KAZN: variants seen among roughly 807,000 people sequenced by gnomAD.
KAZN encodes kazrin.
In KAZN, 40 loss-of-function variants were observed where a neutral mutation model predicts 87.4. The ratio of observed to expected loss-of-function variants is 0.46; its 90% CI spans 0.36 to 0.60. The LOEUF is 0.60. Among genes scored for constraint, KAZN ranks in the 20% least tolerant of loss-of-function variants. The probability of loss-of-function intolerance (pLI) is 0.00; values close to 1 mark genes in which losing one functional copy is unlikely to be tolerated. For synonymous variants in KAZN, 466 were observed against 458.3 expected, an observed-to-expected ratio of 1.02 and a Z score of -0.22; for missense variants, 898 against 1,073.9, an observed-to-expected ratio of 0.84 and a Z score of 2.29.
At chr1:14,126,866 G>A (rs1216680786) in intron 1 of KAZN, among the ~76,000 whole-genome samples, 1 of 152,182 alleles carries the variant, frequency 6.6e-6, no homozygotes, top group African/African-American at 2.4e-5. Context: ...AGCACTTTGG[G>A]AGGCCAAGGT....
At chr1:14,839,665 T>C (rs1326479137) in intron 1 of KAZN, among the ~76,000 whole-genome samples, 1 of 152,140 alleles carries the variant, frequency 6.6e-6, no homozygotes, top group Non-Finnish European at 1.5e-5. Context: ...TGTGTGTTTG[T>C]TATTGTTGTT....
chr1:13,967,440 G>A (rs1641986581), intron 1 of KAZN, among the ~76,000 whole-genome samples: 1 of 152,158 alleles, frequency 6.6e-6, no homozygotes, highest in Non-Finnish European at 1.5e-5. Flanking sequence ...GCGACCCTTT[G>A]GGAATCAGTG....
At chr1:14,963,728 A>T (rs1664146150) in intron 2 of KAZN, among the ~76,000 whole-genome samples, 1 of 151,994 alleles carries the variant, frequency 6.6e-6, no homozygotes, top group Admixed American at 6.6e-5. Context: ...GCACCTGTCA[A>T]CTCATCATCT....
chr1:13,974,918 T>C (rs1052501699), intron 1 of KAZN, among the ~76,000 whole-genome samples: 1 of 151,904 alleles, frequency 6.6e-6, no homozygotes, highest in African/African-American at 2.4e-5. Flanking sequence ...TAACTCTTTT[T>C]TATATCCGCC....
chr1:13,932,717 C>T (rs1333044000), intron 1 of KAZN, among the ~76,000 whole-genome samples: 1 of 152,194 alleles, frequency 6.6e-6, no homozygotes, highest in Non-Finnish European at 1.5e-5. Context: ...CTCAGGCAGT[C>T]TGGCTTGGGC....
At chr1:13,976,223 G>A (rs576443670) in intron 1 of KAZN, among the ~76,000 whole-genome samples, 1 of 152,162 alleles carries the variant, frequency 6.6e-6, no homozygotes, top group African/African-American at 2.4e-5. Flanking sequence ...ATTTTCTGAT[G>A]GACTTTCCAA....
At chr1:14,217,365 G>C (rs1349448774) in intron 2 of KAZN, among the ~76,000 whole-genome samples, 1 of 151,634 alleles carries the variant, frequency 6.6e-6, no homozygotes, top group Non-Finnish European at 1.5e-5. Context: ...TACTAATACA[G>C]GCCCATCCCC....
intron 1 of KAZN, among the ~76,000 whole-genome samples, chr1:14,905,916 C>T (rs1656494273): frequency 6.7e-6 from 1 of 149,496 alleles, no homozygotes; most frequent in Non-Finnish European, 1.5e-5. Flanking sequence ...TGCCTGTAAT[C>T]ACAGCACTTT....
At chr1:14,849,820 T>C (rs1481404276) in intron 1 of KAZN, among the ~76,000 whole-genome samples, 12 of 152,148 alleles carry the variant, frequency 7.9e-5, no homozygotes, top group Admixed American at 7.9e-4. Flanking sequence ...CAGAAGTATT[T>C]TGAGTTTTTC....
intron 2 of KAZN, among the ~76,000 whole-genome samples, chr1:14,534,607 T>C (rs1672384745): frequency 6.6e-6 from 1 of 152,084 alleles, no homozygotes. Context: ...ATCGCACCAC[T>C]GCACTCCAGC....
At chr1:15,063,733 G>T in intron 7 of KAZN, 111 bp downstream of exon 7, 1 of 882,982 alleles carries the variant, frequency 1.1e-6, no homozygotes, top group Non-Finnish European at 1.9e-6. Context: ...AAGGTGGAGA[G>T]GATTTATGCC....
chr1:14,843,805 T>C (rs915797057), intron 1 of KAZN, among the ~76,000 whole-genome samples: 1 of 152,238 alleles, frequency 6.6e-6, no homozygotes, highest in African/African-American at 2.4e-5. Flanking sequence ...TTTCTGCTAA[T>C]CTTGAGTTTG....
At chr1:14,987,865 C>G (rs1156993807) in intron 2 of KAZN, among the ~76,000 whole-genome samples, 1 of 152,186 alleles carries the variant, frequency 6.6e-6, no homozygotes, top group African/African-American at 2.4e-5. Context: ...CCGTTGGACT[C>G]TTCTAGCAGG....
At chr1:14,746,714 A>G (rs1241089396) in intron 1 of KAZN, among the ~76,000 whole-genome samples, 1 of 152,088 alleles carries the variant, frequency 6.6e-6, no homozygotes, top group African/African-American at 2.4e-5. Context: ...GTGTCAAAAT[A>G]TGGGGTGTGG....
chr1:14,858,022 A>G (rs1650335248), intron 1 of KAZN, among the ~76,000 whole-genome samples: 1 of 152,058 alleles, frequency 6.6e-6, no homozygotes, highest in Non-Finnish European at 1.5e-5. Flanking sequence ...AGATTTGCCT[A>G]TTCTGTGAAT....
chr1:14,583,499 A>G (rs571167212), intron 2 of KAZN, among the ~76,000 whole-genome samples: 2 of 152,312 alleles, frequency 1.3e-5, no homozygotes, highest in Admixed American at 6.5e-5. Context: ...GTGCTTTGTC[A>G]TGATGCCTTG....
At chr1:14,227,032 T>C (rs1360073570) in intron 2 of KAZN, among the ~76,000 whole-genome samples, 1 of 152,150 alleles carries the variant, frequency 6.6e-6, no homozygotes, top group East Asian at 1.9e-4. Context: ...CCTGCACATT[T>C]ACCCCTTGAA....
chr1:14,676,159 G>A (rs1378374857), intron 1 of KAZN, among the ~76,000 whole-genome samples: 4 of 152,096 alleles, frequency 2.6e-5, no homozygotes, highest in African/African-American at 4.8e-5. Flanking sequence ...TTCCCTCCTC[G>A]GATGCTGGCA....
chr1:14,466,781 A>G (rs1176100152), intron 2 of KAZN, among the ~76,000 whole-genome samples: 1 of 152,138 alleles, frequency 6.6e-6, no homozygotes, highest in Non-Finnish European at 1.5e-5. Flanking sequence ...ATCCTGGCTA[A>G]CACGGTGAAA....
Sources: gnomAD v4.1 joint callset for allele counts (sites outside exome capture counted in the v4.1 genomes callset) on GRCh38, gnomAD v4.1.1 for gene constraint, MANE v1.5 for transcripts, NCBI Gene and HGNC (gene_info 2026-07-23, HGNC 2026-07-21) for gene names.